Variants in OOEP observed in about 807,000 individuals in gnomAD.
The protein encoded by OOEP is oocyte-expressed protein homolog.
Under a neutral mutation model 13.7 loss-of-function variants are expected in OOEP, and 16 were observed. The observed-to-expected ratio is 1.16, with a 90% CI of 0.79 to 1.77. OOEP has a LOEUF of 1.77. Among genes scored for constraint, OOEP ranks in the 40% most tolerant of loss-of-function variants. OOEP has a pLI of 0.00. For synonymous variants in OOEP, 89 were observed against 77.1 expected (o/e 1.15, Z -0.81); for missense variants, 195 against 193.1 (o/e 1.01, Z -0.06).
At chr6:73,374,221 AT>A (rs1430657756), upstream of OOEP, among the ~76,000 whole-genome samples, 2 of 152,024 alleles carry the variant, frequency 1.3e-5, no homozygotes, top group Admixed American at 6.6e-5. Context: ...AATTTTATGT[AT>A]TTTTTTAATG....
intron 2 of OOEP, among the ~76,000 whole-genome samples, chr6:73,379,836 C>T (rs914952238): frequency 1.3e-5 from 2 of 152,096 alleles, no homozygotes; most frequent in African/African-American, 4.8e-5. Flanking sequence ...AGTCTGCCCA[C>T]TTCCAACTCT....
intron 2 of OOEP, among the ~76,000 whole-genome samples, chr6:73,386,252 G>A (rs1482914228): frequency 6.6e-6 from 1 of 151,992 alleles, no homozygotes; most frequent in African/African-American, 2.4e-5. Context: ...GTGCCACCAT[G>A]TCCAGCTAGT....
chr6:73,389,736 C>A (rs1769321180), intron 2 of OOEP, among the ~76,000 whole-genome samples: 1 of 151,942 alleles, frequency 6.6e-6, no homozygotes, highest in African/African-American at 2.4e-5. Context: ...AGGAGATATA[C>A]CTAATGTTAA....
chr6:73,393,613 G>A (rs143747203), intron 2 of OOEP, among the ~76,000 whole-genome samples: 346 of 152,282 alleles, frequency 2.3e-3, no homozygotes, highest in Middle Eastern at 6.8e-3. Flanking sequence ...GGCCAAGGCA[G>A]GAGGAGTTGG....
At chr6:73,378,360 C>G (rs1455385113) in intron 2 of OOEP, among the ~76,000 whole-genome samples, 1 of 151,948 alleles carries the variant, frequency 6.6e-6, no homozygotes, top group East Asian at 1.9e-4. Context: ...CCACCTCAGC[C>G]TCCCAAAATG....
At chr6:73,394,733 G>C (rs995530320) in exon 1 of OOEP, 5 of 924,106 alleles carry the variant, frequency 5.4e-6, no homozygotes, top group Middle Eastern at 3.4e-4. Context: ...CAATGGCTGC[G>C]TGAAATCAGT....
At position 73,369,279 on chromosome 6, in the gene OOEP, C is replaced by G. The variant is rs1255565067; in HGVS notation, c.297G>C (p.Arg99=). 2 of 1,613,794 alleles carry G rather than the reference C, an allele frequency of 1.2e-6. No homozygotes were observed. The highest frequency in any genetic ancestry group is 1.7e-6 in the Non-Finnish European group (2 of 1,179,884). ...TCTTCACCCGATTCTGTACACGGGGCCGCCCGAAAACGGTGATTTCGACTA... is the reference window on the plus strand; with the variant it reads ...TCTTCACCCGATTCTGTACACGGGGGCGCCCGAAAACGGTGATTTCGACTA... ...GNLVEITVFG[R]PRVQNRVKSM... is the part of the protein sequence containing the mutation. The change falls in exon 2 of 3, where the codon CGG becomes CGC. Residue 99 remains arginine (R), a synonymous_variant. Coordinates refer to ENST00000370359, the MANE Select transcript of OOEP (RefSeq NM_001080507.3).
At position 73,369,831 on chromosome 6, in the gene OOEP, T is replaced by G. The variant is rs532819736; in HGVS notation, c.-39A>C. ...GCCGCGGAGCGCGCTCGAGGCGGCTTTCGCAAGACCTCTTCCAGACCCAGG... is the reference window on the plus strand; with the variant it reads ...GCCGCGGAGCGCGCTCGAGGCGGCTGTCGCAAGACCTCTTCCAGACCCAGG... On this transcript the variant is annotated 5_prime_UTR_variant, in exon 1 of 3. Transcript: ENST00000370359. The G allele has an allele frequency of 6.3e-7, 1 of 1,580,116 alleles. No individual in the cohort carries two copies. The highest frequency in any genetic ancestry group is 1.1e-5 in the South Asian group (1 of 89,572).
chr6:73,369,856 G>A lies in OOEP; in HGVS notation c.-64C>T, dbSNP rs1436576400. 2.0e-6 allele frequency: 3 copies of A among 1,473,180 alleles called. No homozygotes were observed. The highest frequency in any genetic ancestry group is 1.8e-5 in the Admixed American group (1 of 56,402). The allele number at this position is 1,473,180 out of a possible 1,614,324, so 91.3% of individuals were successfully genotyped here. On this transcript the variant is annotated 5_prime_UTR_variant, in exon 1 of 3. Coordinates refer to ENST00000370359, the MANE Select transcript of OOEP (RefSeq NM_001080507.3). Reference sequence around the variant, plus strand: ...TTCGCAAGACCTCTTCCAGACCCAGGCGCGAAGCTCGGGCTCTCTTTTACC... The same window carrying A: ...TTCGCAAGACCTCTTCCAGACCCAGACGCGAAGCTCGGGCTCTCTTTTACC...
chr6:73,394,835 T>C (rs1769426787), exon 1 of OOEP: 7 of 1,572,680 alleles, frequency 4.5e-6, no homozygotes, highest in Non-Finnish European at 6.0e-6. Context: ...GGCACGCTAC[T>C]CTTACGACGT....
chr6:73,369,258 C>T lies in OOEP; in HGVS notation c.318G>A (p.Val106=). The T allele has an allele frequency of 6.2e-7, 1 of 1,613,924 alleles. No homozygotes were observed. Among genetic ancestry groups the T allele is most frequent in the Non-Finnish European group, 8.5e-7 (1 of 1,179,866 alleles). The change falls in exon 2 of 3, where the codon GTG becomes GTA. Residue 106 remains valine (V), a synonymous_variant. Coordinates refer to ENST00000370359, the MANE Select transcript of OOEP (RefSeq NM_001080507.3). The part of the protein sequence containing the change: ...VFGRPRVQNR[V]KSMLLCLAWF... Reference sequence around the variant, plus strand: ...ATGCCAGGCACAGGAGCATGCTCTTCACCCGATTCTGTACACGGGGCCGCC... The same window carrying T: ...ATGCCAGGCACAGGAGCATGCTCTTTACCCGATTCTGTACACGGGGCCGCC...
intron 2 of OOEP, among the ~76,000 whole-genome samples, chr6:73,386,158 G>A (rs1457034076): frequency 3.3e-5 from 5 of 150,164 alleles, no homozygotes; most frequent in African/African-American, 4.9e-5. Context: ...GCAATGGCGC[G>A]ATGTTGGCTC....
chr6:73,394,805 A>G, exon 1 of OOEP: 1 of 1,524,000 alleles, frequency 6.6e-7, no homozygotes, highest in African/African-American at 1.4e-5. Flanking sequence ...CTCCTTAAGT[A>G]GCGGCTGCGT....
chr6:73,369,121 G>A, intron 2 of OOEP, 85 bp downstream of exon 2: 1 of 1,416,086 alleles, frequency 7.1e-7, no homozygotes, highest in Admixed American at 2.1e-5. Flanking sequence ...TTTTGAGAAG[G>A]TTAAGGGAGG....
rs547009166 is a variant in OOEP at position 73,369,346 on chromosome 6, C to T, written c.230G>A (p.Ser77Asn). 1 of 1,613,602 alleles carries T rather than the reference C, an allele frequency of 6.2e-7. No homozygotes were observed. Among genetic ancestry groups the T allele is most frequent in the South Asian group, 1.1e-5 (1 of 91,016 alleles). The change falls in exon 2 of 3, where the codon AGC becomes AAC. Residue 77 changes from serine (S) to asparagine (N), a missense_variant. By Grantham distance (46) the Ser-to-Asn change is conservative. Coordinates refer to ENST00000370359, the MANE Select transcript of OOEP (RefSeq NM_001080507.3). ...RAIIPEMEWTSQALLTVDIVD... is the reference protein window; with the variant it reads ...RAIIPEMEWTNQALLTVDIVD... The stretch of plus-strand genomic sequence containing the variant: ...TATGTCCACTGTCAGCAGGGCCTGG[C>T]TCGTCCACTCCATTTCTGGAATTAT...
chr6:73,388,010 T>C (rs992047406), intron 2 of OOEP, among the ~76,000 whole-genome samples: 7 of 152,166 alleles, frequency 4.6e-5, no homozygotes, highest in Non-Finnish European at 1.0e-4. Context: ...TCCGATTACC[T>C]GGGACGACAG....
chr6:73,371,361 G>C (rs1252966981), upstream of OOEP, among the ~76,000 whole-genome samples: 1 of 151,956 alleles, frequency 6.6e-6, no homozygotes, highest in African/African-American at 2.4e-5. Flanking sequence ...CCAGCACTTC[G>C]GGAGGCCAAG....
intron 2 of OOEP, among the ~76,000 whole-genome samples, chr6:73,387,037 A>G (rs1769283608): frequency 6.6e-6 from 1 of 150,692 alleles, no homozygotes; most frequent in Admixed American, 6.7e-5. Context: ...GCTAAAACCA[A>G]AACTCTTAGC....
chr6:73,382,942 C>T (rs1001955069), intron 2 of OOEP, among the ~76,000 whole-genome samples: 2 of 149,868 alleles, frequency 1.3e-5, no homozygotes, highest in Non-Finnish European at 3.0e-5. Context: ...GCAGCCTCCA[C>T]CTCCCAGGCT....
Sources: gnomAD v4.1 joint callset for allele counts (sites outside exome capture counted in the v4.1 genomes callset) on GRCh38, gnomAD v4.1.1 for gene constraint, MANE v1.5 for transcripts, NCBI Gene and HGNC (gene_info 2026-07-23, HGNC 2026-07-21) for gene names.